RYR3: variants seen among roughly 807,000 people sequenced by gnomAD.
The protein encoded by RYR3 is ryanodine receptor 3, also known as brain ryanodine receptor-calcium release channel.
In RYR3, 207 loss-of-function variants were observed where a neutral mutation model predicts 584.3. The observed-to-expected ratio is 0.35, with a 90% CI of 0.32 to 0.40. The LOEUF (loss-of-function observed/expected upper bound fraction) is 0.40, where lower values mean the gene tolerates loss of function less well. RYR3 is among the 10% of genes least tolerant of loss of function. The probability of loss-of-function intolerance (pLI) is 1.00; values close to 1 mark genes in which losing one functional copy is unlikely to be tolerated. For synonymous variants in RYR3, 2,416 were observed against 2,248.5 expected, an observed-to-expected ratio of 1.07 and a Z score of -2.11; for missense variants, 5,616 against 6,089.2, an observed-to-expected ratio of 0.92 and a Z score of 2.59.
Position 33,473,456 on chromosome 15 carries a change from A to C in RYR3, c.89A>C (p.His30Pro). The change falls in exon 2 of 104, where the codon CAT (histidine) becomes CCT (proline). Residue 30 changes from histidine (H) to proline (P), a missense_variant. Physicochemically the swap from His to Pro is moderately conservative, Grantham distance 77. Coordinates refer to ENST00000634891, the MANE Select transcript of RYR3 (RefSeq NM_001036.6). ...EVVLQCIATI[H>P]KEQRKFCLAA... ...GTACTCCAGTGCATCGCCACCATTC[A>C]TAAGGAGCAGAGGAAGTTCTGCCTG... is the stretch of plus-strand genomic sequence containing the variant. The C allele has an allele frequency of 1.2e-6, 2 of 1,613,930 alleles. No homozygotes were observed. Among genetic ancestry groups the C allele is most frequent in the Non-Finnish European group, 8.5e-7 (1 of 1,179,852 alleles).
Position 33,623,939 on chromosome 15 carries a change from T to C in RYR3, c.2490T>C (p.Asp830=), listed in dbSNP as rs1229573715. The C allele has an allele frequency of 9.3e-6, 15 of 1,614,024 alleles. No homozygotes were observed. Among genetic ancestry groups the C allele is most frequent in the Non-Finnish European group, 1.3e-5 (15 of 1,179,876 alleles). The change falls in exon 20 of 104, where the codon GAT becomes GAC. Residue 830 remains aspartate, a synonymous_variant. Transcript: ENST00000634891. ...AGCCTGTCAAAGAATATAAACGTGA[T>C]GCTGATGGCATTAGAGATCTCTTGG... The part of the protein sequence containing the change: ...RLEPVKEYKR[D]ADGIRDLLGT...
intron 1 of RYR3, among the ~76,000 whole-genome samples, chr15:33,466,081 A>G (rs1417417334): frequency 2.6e-5 from 4 of 152,202 alleles, no homozygotes; most frequent in African/African-American, 7.2e-5. Flanking sequence ...GCATTTGGAA[A>G]CACAAGTCGA....
intron 34 of RYR3, among the ~76,000 whole-genome samples, chr15:33,660,671 T>C (rs1238451220): frequency 2.0e-5 from 3 of 152,190 alleles, no homozygotes. Context: ...TAAGGAACAG[T>C]GCCATGCCTT....
chr15:33,757,452 T>G, intron 59 of RYR3, 23 bp from the exon 60 acceptor site: 1 of 1,593,892 alleles, frequency 6.3e-7, no homozygotes, highest in Non-Finnish European at 8.5e-7. Context: ...TTCCTAGAAG[T>G]TGATTTCTGG....
At chr15:33,822,558 A>G (rs1460910977) in intron 80 of RYR3, among the ~76,000 whole-genome samples, 1 of 152,272 alleles carries the variant, frequency 6.6e-6, no homozygotes, top group East Asian at 1.9e-4. Context: ...TTTAAAAAAC[A>G]AAATTTTTAT....
chr15:33,463,375 T>C (rs2048200832), intron 1 of RYR3, among the ~76,000 whole-genome samples: 1 of 152,086 alleles, frequency 6.6e-6, no homozygotes, highest in Non-Finnish European at 1.5e-5. Context: ...AGCTTTTGGG[T>C]GTGGTCACTC....
intron 1 of RYR3, among the ~76,000 whole-genome samples, chr15:33,389,295 G>A (rs72725471): frequency 0.055 from 8,371 of 152,174 alleles, 348 homozygotes; most frequent in Middle Eastern, 0.13. Context: ...AACCCATACA[G>A]AAACCAAAAG....
intron 49 of RYR3, 136 bp from the exon 50 acceptor site, chr15:33,738,314 T>C: frequency 1.1e-6 from 1 of 870,652 alleles, no homozygotes; most frequent in Non-Finnish European, 1.7e-6. Context: ...AGGGCCTCTT[T>C]GTAGACAGCC....
At chr15:33,633,562 C>A (rs2061362813) in intron 24 of RYR3, among the ~76,000 whole-genome samples, 1 of 152,172 alleles carries the variant, frequency 6.6e-6, no homozygotes, top group Non-Finnish European at 1.5e-5. Flanking sequence ...TCTTAGTAAT[C>A]ACCAATGGTA....
At chr15:33,657,367 TTC>T (rs1447533020) in intron 32 of RYR3, among the ~76,000 whole-genome samples, 1 of 152,190 alleles carries the variant, frequency 6.6e-6, no homozygotes, top group Non-Finnish European at 1.5e-5. Context: ...CTGAATGCAT[TTC>T]TCTCTCCCTG....
intron 1 of RYR3, among the ~76,000 whole-genome samples, chr15:33,444,249 A>C (rs1024821057): frequency 6.6e-6 from 1 of 152,370 alleles, no homozygotes; most frequent in African/African-American, 2.4e-5. Context: ...GGGAGCAAAA[A>C]GCTTGTTAGA....
intron 13 of RYR3, among the ~76,000 whole-genome samples, chr15:33,581,270 G>T (rs1044403565): frequency 6.6e-6 from 1 of 152,138 alleles, no homozygotes; most frequent in East Asian, 1.9e-4. Context: ...GGGGCAACCC[G>T]TCAGAGGAGG....
chr15:33,864,475 A>G (rs1889739044), intron 103 of RYR3, among the ~76,000 whole-genome samples: 1 of 152,192 alleles, frequency 6.6e-6, no homozygotes, highest in African/African-American at 2.4e-5. Context: ...GTCTGACAAT[A>G]AGAAATGGAG....
chr15:33,395,627 C>A (rs1330668867), intron 1 of RYR3, among the ~76,000 whole-genome samples: 1 of 152,178 alleles, frequency 6.6e-6, no homozygotes, highest in Non-Finnish European at 1.5e-5. Flanking sequence ...CTAAGTAAGT[C>A]CTTCCACTGT....
intron 86 of RYR3, among the ~76,000 whole-genome samples, chr15:33,834,596 C>G (rs1280268279): frequency 6.6e-6 from 1 of 152,014 alleles, no homozygotes; most frequent in Non-Finnish European, 1.5e-5. Flanking sequence ...CACCCTTGAT[C>G]TCCTCCAAAG....
chr15:33,685,916 C>T (rs2064974083), intron 38 of RYR3, among the ~76,000 whole-genome samples: 1 of 152,098 alleles, frequency 6.6e-6, no homozygotes, highest in African/African-American at 2.4e-5. Flanking sequence ...CACAACATAC[C>T]AGAATCTCTG....
In RYR3 at chr15:33,660,259, T is replaced by C. The variant is rs201945253; in HGVS notation, c.4458T>C (p.Cys1486=). Residue 1486 remains cysteine (C), a synonymous_variant, in exon 34 of 104, where the codon TGT becomes TGC. Coordinates refer to ENST00000634891, the MANE Select transcript of RYR3 (RefSeq NM_001036.6). ...AAGAGAAGAACCCAGTCCCACAGTG[T>C]CCACCTCGGCTGGACGTCCAAACCA... ...RSEEKNPVPQ[C]PPRLDVQTIQ... The C allele has an allele frequency of 4.5e-6, 7 of 1,555,114 alleles. No individual in the cohort carries two copies. Among genetic ancestry groups the C allele is most frequent in the East Asian group, 4.9e-5 (2 of 41,116 alleles).
intron 64 of RYR3, among the ~76,000 whole-genome samples, chr15:33,775,007 T>C (rs2152893155): frequency 6.6e-6 from 1 of 152,196 alleles, no homozygotes; most frequent in South Asian, 2.1e-4. Flanking sequence ...TACAATTTTT[T>C]GTAAAGCTTA....
At chr15:33,563,048 T>C in intron 11 of RYR3, 38 bp downstream of exon 11, 1 of 1,554,686 alleles carries the variant, frequency 6.4e-7, no homozygotes. Flanking sequence ...TGTTTTACCC[T>C]GAGTTGGAAG....
Sources: gnomAD v4.1 joint callset for allele counts (sites outside exome capture counted in the v4.1 genomes callset) on GRCh38, gnomAD v4.1.1 for gene constraint, MANE v1.5 for transcripts, NCBI Gene and HGNC (gene_info 2026-07-23, HGNC 2026-07-21) for gene names.